Variants in TOP2A observed in about 807,000 individuals in gnomAD.
TOP2A encodes DNA topoisomerase 2-alpha.
TOP2A carries 68 observed loss-of-function variants against 187.2 expected under a neutral mutation model. That is an observed-to-expected ratio of 0.36 (90% CI 0.30 to 0.44). The LOEUF is 0.44. TOP2A is among the 20% of genes least tolerant of loss of function. The probability of loss-of-function intolerance (pLI) is 1.00; values close to 1 mark genes in which losing one functional copy is unlikely to be tolerated. For synonymous variants in TOP2A, 542 were observed against 593.2 expected, an observed-to-expected ratio of 0.91 and a Z score of 1.25; for missense variants, 1,196 against 1,808.7, an observed-to-expected ratio of 0.66 and a Z score of 6.14.
chr17:40,395,320 T>G, intron 29 of TOP2A, 129 bp downstream of exon 29: 1 of 418,808 alleles, frequency 2.4e-6, no homozygotes, highest in Non-Finnish European at 4.2e-6. Context: ...CCAAGTAGAA[T>G]TGAGATACAG....
At chr17:40,409,194 C>CA (rs35266834) in intron 10 of TOP2A, 2,652 of 73,462 alleles carry the variant, frequency 0.036, 83 homozygotes, top group South Asian at 0.05. Flanking sequence ...AACTCCGTCT[C>CA]AAAAAAAAAA....
At chr17:40,409,547 C>T (rs1327312209) in intron 10 of TOP2A, 8 of 414,246 alleles carry the variant, frequency 1.9e-5, no homozygotes, top group Middle Eastern at 6.6e-4. Context: ...TCAAGTGAGG[C>T]CAGGAGTTCA....
At position 40,415,029 on chromosome 17, in the gene TOP2A, TA is replaced by T. The variant is rs540201125; in HGVS notation, c.332+975del. Among the ~76,000 whole-genome samples, 776 of 151,454 alleles carry T rather than the reference TA, an allele frequency of 5.1e-3. 3 individuals are homozygous for T. Among genetic ancestry groups the T allele is most frequent in the Admixed American group, 8.1e-3 (123 of 15,176 alleles). ...TGTTCTACATAGTACTTATTATCTATAAAAAAAACTAATTAAAATTAGCTCA... is the reference window on the plus strand; with the variant it reads ...TGTTCTACATAGTACTTATTATCTATAAAAAAACTAATTAAAATTAGCTCA... On this transcript the variant is annotated intron_variant, in intron 4 of 34. Transcript: ENST00000423485.
At chr17:40,405,933 A>G (rs966103998) in intron 16 of TOP2A, among the ~76,000 whole-genome samples, 3 of 144,452 alleles carry the variant, frequency 2.1e-5, no homozygotes, top group Non-Finnish European at 3.0e-5. Flanking sequence ...CGGCCGGCTA[A>G]TTTTTTGTAT....
rs776779174 is a variant in TOP2A at position 40,404,483 on chromosome 17, C to T, written c.2055G>A (p.Leu685=). 5.0e-6 allele frequency: 8 copies of T among 1,591,650 alleles called. No homozygotes were observed. The highest frequency in any genetic ancestry group is 6.0e-6 in the Non-Finnish European group (7 of 1,161,840). Residue 685 remains leucine, a synonymous_variant, in exon 18 of 35, where the codon TTG becomes TTA. Transcript: ENST00000423485. ...RKLLGLPEDY[L]YGQTTTYLTY... is the part of the protein sequence containing the mutation. ...TCAGATATGTGGTAGTTTGTCCATA[C>T]AAGTAATCCTGAAGGACCAAATAGT...
chr17:40,408,221 A>G, intron 11 of TOP2A, 97 bp from the exon 12 acceptor site: 1 of 1,031,772 alleles, frequency 9.7e-7, no homozygotes, highest in Non-Finnish European at 1.4e-6. Context: ...ATAAAACACA[A>G]TTTACTATAT....
chr17:40,410,675 T>C, intron 10 of TOP2A: 1 of 454,108 alleles, frequency 2.2e-6, no homozygotes, highest in Admixed American at 2.4e-5. Flanking sequence ...AAAGGAAGGC[T>C]CCCAGCTTTC....
At position 40,389,578 on chromosome 17, in the gene TOP2A, C is replaced by T. The variant is rs746962457; in HGVS notation, c.4537G>A (p.Val1513Ile). The T allele has an allele frequency of 6.2e-7, 1 of 1,604,976 alleles. No individual in the cohort carries two copies. The highest frequency in any genetic ancestry group is 8.5e-7 in the Non-Finnish European group (1 of 1,175,454). Reference sequence around the variant, plus strand: ...TACTTTATAGGTTTCTTTGCCCGTACAGATTTTGCCCGAGGAGCCACAGCT... The same window carrying T: ...TACTTTATAGGTTTCTTTGCCCGTATAGATTTTGCCCGAGGAGCCACAGCT... ...DSAVAPRAKSVRAKKPIKYLE... is the reference protein window; with the variant it reads ...DSAVAPRAKSIRAKKPIKYLE... Residue 1513 changes from valine to isoleucine, a missense_variant, in exon 35 of 35, where the codon GTA (valine) becomes ATA (isoleucine). Physicochemically the swap from Val to Ile is conservative, Grantham distance 29. This residue lies in a region of TOP2A where 374 missense variants were observed against 403.3 expected (regional missense o/e 0.93). Coordinates refer to ENST00000423485, the MANE Select transcript of TOP2A (RefSeq NM_001067.4).
chr17:40,390,827 G>T (rs1040319491), intron 33 of TOP2A, among the ~76,000 whole-genome samples: 7 of 151,578 alleles, frequency 4.6e-5, no homozygotes, highest in Admixed American at 1.3e-4. Context: ...GTTTCACTAT[G>T]TTGGCCAGGC....
chr17:40,417,893 G>T lies in TOP2A; in HGVS notation c.-102C>A, dbSNP rs955504901. 5 of 1,520,318 alleles carry T rather than the reference G, an allele frequency of 3.3e-6. No individual in the cohort carries two copies. In the African/African-American group the frequency reaches 5.5e-5, roughly 17 times the overall value. The allele number at this position is 1,520,318 out of a possible 1,614,324, so 94.2% of individuals were successfully genotyped here. A position where few individuals can be genotyped will look rare whatever the true frequency, so the allele number is the denominator to read the frequency against. Reference sequence around the variant, plus strand: ...AGCCGCTTCTCCACAGACGCGCGTCGGTTAGGAGAGCTCCACTTGAACCTT... The same window carrying T: ...AGCCGCTTCTCCACAGACGCGCGTCTGTTAGGAGAGCTCCACTTGAACCTT... On this transcript the variant is annotated 5_prime_UTR_variant, in exon 1 of 35. Coordinates refer to ENST00000423485, the MANE Select transcript of TOP2A (RefSeq NM_001067.4).
Position 40,389,438 on chromosome 17 carries a change from G to T in TOP2A, c.*81C>A. The T allele has an allele frequency of 6.8e-7, 1 of 1,476,940 alleles. No individual in the cohort carries two copies. 91.5% of individuals were successfully genotyped at this position (1,476,940 alleles called of 1,614,324 possible). A position where few individuals can be genotyped will look rare whatever the true frequency, so the allele number is the denominator to read the frequency against. On this transcript the variant is annotated 3_prime_UTR_variant, in exon 35 of 35. Transcript: ENST00000423485. ...CCTTCCCCAAACTAAATTCAGAGGG[G>T]AGGAAGTTAAGAGCTTCAGGTAACT... is the stretch of plus-strand genomic sequence containing the variant.
intron 10 of TOP2A, chr17:40,410,086 T>TA (rs773020509): frequency 2.1e-4 from 32 of 154,354 alleles, no homozygotes; most frequent in South Asian, 5.2e-4. Context: ...AGACTCTGCC[T>TA]AAAAAAAAAG....
At chr17:40,410,916 G>A (rs1386058869) in intron 10 of TOP2A, among the ~76,000 whole-genome samples, 193 bp downstream of exon 10, 1 of 152,216 alleles carries the variant, frequency 6.6e-6, no homozygotes, top group African/African-American at 2.4e-5. Flanking sequence ...ATGTAATTGG[G>A]AAATACTGAA....
rs1474255319 is a variant in TOP2A, at chr17:40,408,097, A to G, written c.1370T>C (p.Leu457Pro). The change falls in exon 12 of 35, where the codon CTT (leucine) becomes CCT (proline). Residue 457 changes from leucine to proline, a missense_variant. Leu to Pro is a moderately conservative substitution (Grantham distance 98). Around this residue, in one of 10 missense-constraint regions of TOP2A, gnomAD observed 252 missense variants for 434.8 expected, o/e 0.58. Transcript: ENST00000423485. ...GGCTGAATCTCCCTCAGTCAGGATA[A>G]GCGTACACTCAGTGGAGTTTCGGCC... ...AGGRNSTECT[L>P]ILTEGDSAKT... is the part of the protein sequence containing the mutation. The G allele has an allele frequency of 6.2e-7, 1 of 1,611,708 alleles. No homozygotes were observed. The highest frequency in any genetic ancestry group is 8.5e-7 in the Non-Finnish European group (1 of 1,178,848).
rs61756343 is a variant in TOP2A at position 40,390,136 on chromosome 17, G to A, written c.4296C>T (p.Ala1432=). ...KSQSSTSTTG[A]KKRAAPKGTK... is the part of the protein sequence containing the mutation. Reference sequence around the variant, plus strand: ...TTCCTTTTGGGGCAGCCCTTTTTTTGGCACCGGTAGTGGAGGTGGAAGACT... The same window carrying A: ...TTCCTTTTGGGGCAGCCCTTTTTTTAGCACCGGTAGTGGAGGTGGAAGACT... Residue 1432 remains alanine (A), a synonymous_variant, in exon 34 of 35, where the codon GCC becomes GCT. Coordinates refer to ENST00000423485, the MANE Select transcript of TOP2A (RefSeq NM_001067.4). 2 of 1,612,872 alleles carry A rather than the reference G, an allele frequency of 1.2e-6. No individual in the cohort carries two copies. Among genetic ancestry groups the A allele is most frequent in the Non-Finnish European group, 1.7e-6 (2 of 1,179,574 alleles).
intron 1 of TOP2A, 94 bp downstream of exon 1, chr17:40,417,677 G>A (rs2035409499): frequency 1.3e-6 from 2 of 1,589,390 alleles, no homozygotes; most frequent in Non-Finnish European, 1.7e-6. Context: ...TCGCCGGCCT[G>A]ACCGCAGCCC....
intron 3 of TOP2A, 65 bp downstream of exon 3, chr17:40,416,357 T>G (rs1429326119): frequency 1.7e-5 from 20 of 1,149,746 alleles, no homozygotes; most frequent in Non-Finnish European, 2.3e-5. Flanking sequence ...TTTTTAAATT[T>G]TTATTTGGAA....
chr17:40,415,896 G>C, intron 4 of TOP2A, 109 bp downstream of exon 4: 1 of 740,522 alleles, frequency 1.4e-6, no homozygotes, highest in South Asian at 1.8e-5. Context: ...CTGCTTTTGT[G>C]TACTTTTCTC....
intron 4 of TOP2A, among the ~76,000 whole-genome samples, chr17:40,414,789 G>C (rs2035369706): frequency 6.7e-6 from 1 of 148,724 alleles, no homozygotes; most frequent in South Asian, 2.1e-4. Context: ...CCAGGAGGTG[G>C]ATGTTGCGGT....
Sources: gnomAD v4.1 joint callset for allele counts (sites outside exome capture counted in the v4.1 genomes callset) on GRCh38, gnomAD v4.1.1 for gene constraint, gnomAD v4.1.1 regional missense constraint, MANE v1.5 for transcripts, NCBI Gene and HGNC (gene_info 2026-07-23, HGNC 2026-07-21) for gene names.